CLEC16A: variants seen among roughly 807,000 people sequenced by gnomAD.
CLEC16A encodes C-type lectin domain containing 16A.
CLEC16A carries 51 observed loss-of-function variants against 109.5 expected under a neutral mutation model. That is an observed-to-expected ratio of 0.47 (90% CI 0.37 to 0.59). The LOEUF (loss-of-function observed/expected upper bound fraction) is 0.59. Ranked by LOEUF, CLEC16A falls within the 20% of genes least tolerant of loss-of-function variation. The probability of loss-of-function intolerance (pLI) is 0.00; values close to 1 mark genes in which losing one functional copy is unlikely to be tolerated. For missense variants in CLEC16A, 1,339 were observed against 1,394.0 expected (o/e 0.96, Z 0.63); for synonymous variants, 673 against 564.2 (o/e 1.19, Z -2.73).
chr16:11,167,161 T>C (rs1256294956), intron 23 of CLEC16A, among the ~76,000 whole-genome samples: 1 of 152,168 alleles, frequency 6.6e-6, no homozygotes, highest in Non-Finnish European at 1.5e-5. Flanking sequence ...CGTTCTCGGC[T>C]GCCGTGAGCT....
chr16:11,158,365 G>A (rs973001785), intron 22 of CLEC16A, among the ~76,000 whole-genome samples: 1 of 152,152 alleles, frequency 6.6e-6, no homozygotes, highest in African/African-American at 2.4e-5. Flanking sequence ...TGCTTCTCCC[G>A]AATCAGCCCT....
intron 23 of CLEC16A, among the ~76,000 whole-genome samples, chr16:11,166,961 G>C (rs1157301319): frequency 6.6e-6 from 1 of 152,140 alleles, no homozygotes; most frequent in Non-Finnish European, 1.5e-5. Flanking sequence ...TAACATACCA[G>C]TTTTGTCCTT....
At chr16:11,032,218 G>T (rs1453934279) in intron 13 of CLEC16A, among the ~76,000 whole-genome samples, 1 of 152,230 alleles carries the variant, frequency 6.6e-6, no homozygotes, top group Admixed American at 6.5e-5. Context: ...TCCCTAGGGT[G>T]AGTGGCAGCA....
chr16:10,981,452 A>AT (rs1030775812), intron 9 of CLEC16A, among the ~76,000 whole-genome samples: 40 of 152,198 alleles, frequency 2.6e-4, no homozygotes, highest in African/African-American at 7.0e-4. Flanking sequence ...AAAAGATGCA[A>AT]TTTTTTATAG....
intron 10 of CLEC16A, among the ~76,000 whole-genome samples, chr16:10,993,398 A>G (rs904712695): frequency 1.3e-5 from 2 of 152,174 alleles, no homozygotes; most frequent in African/African-American, 4.8e-5. Flanking sequence ...AAAGAAGTCA[A>G]GCTTACTTGT....
intron 18 of CLEC16A, among the ~76,000 whole-genome samples, chr16:11,057,837 A>G (rs1279265996): frequency 1.3e-5 from 2 of 152,190 alleles, no homozygotes; most frequent in Middle Eastern, 3.2e-3. Flanking sequence ...GTTATTCACT[A>G]ACTGACCTTG....
chr16:11,030,852 C>G lies in CLEC16A; in HGVS notation c.1537+5931C>G, dbSNP rs192913661. Among the ~76,000 whole-genome samples the G allele has an allele frequency of 2.5e-3, 383 of 152,280 alleles. 5 individuals are homozygous for G. Among genetic ancestry groups the G allele is most frequent in the East Asian group, 2.9e-3 (15 of 5,182 alleles). On this transcript the variant is annotated intron_variant, in intron 13 of 23. Transcript: ENST00000409790. ...TAGTGACAGGGTTTCGCCCTGTTGG[C>G]CAGGCTGGTCTCGAACTCCTGACCT...
At chr16:10,999,796 G>A (rs890237384) in intron 10 of CLEC16A, among the ~76,000 whole-genome samples, 2 of 151,684 alleles carry the variant, frequency 1.3e-5, no homozygotes, top group African/African-American at 4.8e-5. Context: ...GTTTTGTGTT[G>A]GATGTTCACC....
chr16:11,029,519 C>G (rs781737294), intron 13 of CLEC16A, among the ~76,000 whole-genome samples: 1 of 148,614 alleles, frequency 6.7e-6, no homozygotes, highest in Non-Finnish European at 1.5e-5. Context: ...TTTGCTGAGG[C>G]CCGGATACTC....
At chr16:11,098,095 A>G (rs1192719628) in intron 19 of CLEC16A, among the ~76,000 whole-genome samples, 1 of 152,238 alleles carries the variant, frequency 6.6e-6, no homozygotes, top group Non-Finnish European at 1.5e-5. Context: ...AGGAGCCAGC[A>G]TCTGTTTTCA....
intron 22 of CLEC16A, among the ~76,000 whole-genome samples, chr16:11,151,169 T>C (rs566978079): frequency 8.5e-5 from 13 of 152,366 alleles, no homozygotes; most frequent in South Asian, 4.1e-4. Flanking sequence ...AATCCGCTTA[T>C]ACTGGCCACT....
intron 1 of CLEC16A, among the ~76,000 whole-genome samples, chr16:10,955,436 A>C (rs1331208337): frequency 6.6e-6 from 1 of 152,118 alleles, no homozygotes; most frequent in African/African-American, 2.4e-5. Flanking sequence ...GTGCAGTAGC[A>C]AATATGTGTG....
chr16:11,095,817 GAAAAAAAAAAA>G (rs34366897), intron 19 of CLEC16A, among the ~76,000 whole-genome samples: 32 of 105,900 alleles, frequency 3.0e-4, no homozygotes, highest in Non-Finnish European at 4.2e-4. Flanking sequence ...GTCTCAAAAA[GAAAAAAAAAAA>G]AAAAAAAAAG....
rs2068848562 is a variant in CLEC16A, at chr16:11,178,508, C to T, written c.2980C>T (p.Leu994Phe). The T allele has an allele frequency of 1.2e-6, 2 of 1,613,536 alleles. No individual in the cohort carries two copies. Among genetic ancestry groups the T allele is most frequent in the Non-Finnish European group, 8.5e-7 (1 of 1,179,878 alleles). The part of the protein sequence containing the change: ...VPARQPTISL[L>F]CEDTADTLSV... ...TGCCCGGCAGCCCACCATTTCCCTG[C>T]TCTGCGAGGACACGGCTGACACGCT... Residue 994 changes from leucine (L) to phenylalanine (F), a missense_variant, in exon 24 of 24, where the codon CTC (leucine) becomes TTC (phenylalanine). Physicochemically the swap from Leu to Phe is conservative, Grantham distance 22 (BLOSUM62 0). Coordinates refer to ENST00000409790, the MANE Select transcript of CLEC16A (RefSeq NM_015226.3). The surrounding 1 kb of genome is among the most constrained non-coding windows in gnomAD (Gnocchi z 6.5).
chr16:11,110,661 C>T (rs2051525458), intron 19 of CLEC16A, among the ~76,000 whole-genome samples: 2 of 152,156 alleles, frequency 1.3e-5, no homozygotes, highest in Admixed American at 1.3e-4. Flanking sequence ...ACTAGGACCA[C>T]TTCTGACAAT....
chr16:11,060,176 G>T (rs945403379), intron 18 of CLEC16A, among the ~76,000 whole-genome samples: 33 of 152,206 alleles, frequency 2.2e-4, no homozygotes, highest in African/African-American at 7.5e-4. Context: ...CTGTGCTGGT[G>T]GATCCACCTG....
intron 18 of CLEC16A, among the ~76,000 whole-genome samples, chr16:11,059,855 C>T (rs547124894): frequency 1.3e-5 from 2 of 152,322 alleles, no homozygotes; most frequent in East Asian, 3.9e-4. Flanking sequence ...AGGGGACTTG[C>T]CCAGCCTAGT....
intron 10 of CLEC16A, among the ~76,000 whole-genome samples, chr16:10,984,949 C>A (rs1342679317): frequency 6.6e-6 from 1 of 152,088 alleles, no homozygotes; most frequent in African/African-American, 2.4e-5. Flanking sequence ...CCCCTGTAAT[C>A]CCAGCACTTT....
At chr16:11,096,304 C>G (rs1264445991) in intron 19 of CLEC16A, among the ~76,000 whole-genome samples, 1 of 152,038 alleles carries the variant, frequency 6.6e-6, no homozygotes, top group African/African-American at 2.4e-5. Flanking sequence ...GTGATGGCAT[C>G]ACCGCACTCC....
Sources: allele counts gnomAD v4.1 joint callset (sites outside exome capture counted in the v4.1 genomes callset), GRCh38; gene constraint gnomAD v4.1.1; non-coding constraint Gnocchi (gnomAD v3.1); transcripts MANE v1.5; gene names NCBI Gene and HGNC (gene_info 2026-07-23, HGNC 2026-07-21).